CYP4A11: variants seen among roughly 807,000 people sequenced by gnomAD.
The protein encoded by CYP4A11 is cytochrome P450 family 4 subfamily A member 11, also known as cytochrome P450 4A11.
CYP4A11 carries 52 observed loss-of-function variants against 57.7 expected under a neutral mutation model. That is an observed-to-expected ratio of 0.90 (90% CI 0.72 to 1.14). The LOEUF is 1.14. Ranked by LOEUF, CYP4A11 falls within the 50% of genes most tolerant of loss-of-function variation. The pLI is 0.00. For synonymous variants in CYP4A11, 228 were observed against 247.1 expected (o/e 0.92, Z 0.72); for missense variants, 641 against 642.1 (o/e 1.00, Z 0.02).
chr1:46,938,586 T>G (rs1312123327), intron 1 of CYP4A11, among the ~76,000 whole-genome samples: 2 of 152,220 alleles, frequency 1.3e-5, no homozygotes, highest in African/African-American at 4.8e-5. Flanking sequence ...AAATATTTGT[T>G]AAGATAAAAT....
rs1274423665 is a variant in CYP4A11, at chr1:46,936,691, G to A, written c.483C>T (p.Leu161=). 5 of 1,612,350 alleles carry A rather than the reference G, an allele frequency of 3.1e-6. No homozygotes were observed. The highest frequency in any genetic ancestry group is 3.4e-6 in the Non-Finnish European group (4 of 1,179,222). ...HYDILKPYVG[L]MADSVRVMLD... is the part of the protein sequence containing the mutation. ...GCATCACTCGTACAGAGTCTGCCAT[G>A]AGCCCCACATAGGGCTTCAGGATGT... is the stretch of plus-strand genomic sequence containing the variant. The change falls in exon 4 of 12, where the codon CTC becomes CTT. Residue 161 remains leucine, a synonymous_variant. Transcript: ENST00000310638.
intron 4 of CYP4A11, among the ~76,000 whole-genome samples, chr1:46,936,282 G>T (rs759804297): frequency 6.6e-6 from 1 of 152,228 alleles, no homozygotes; most frequent in Non-Finnish European, 1.5e-5. Context: ...GCCTGGGTGG[G>T]TGACATCTTG....
chr1:46,940,483 G>T (rs538788858), intron 1 of CYP4A11, among the ~76,000 whole-genome samples: 3 of 152,124 alleles, frequency 2.0e-5, no homozygotes, highest in Non-Finnish European at 2.9e-5. Context: ...CATGCTCACC[G>T]CCAGGGAGCT....
At chr1:46,937,032 A>G (rs1570095779) in intron 3 of CYP4A11, among the ~76,000 whole-genome samples, 1 of 152,210 alleles carries the variant, frequency 6.6e-6, no homozygotes, top group Non-Finnish European at 1.5e-5. Context: ...GTGAGATAAA[A>G]GTTGAAAAGG....
At chr1:46,931,678 T>C (rs1323315918) in intron 11 of CYP4A11, 4 of 678,728 alleles carry the variant, frequency 5.9e-6, no homozygotes, top group African/African-American at 5.8e-5. Context: ...GACTTTCTCA[T>C]GCTGGGATAG....
intron 2 of CYP4A11, 143 bp from the exon 3 acceptor site, chr1:46,937,489 T>C (rs1279445067): frequency 4.7e-6 from 4 of 843,874 alleles, no homozygotes; most frequent in Non-Finnish European, 5.7e-6. Flanking sequence ...TCTATTTCTG[T>C]CCTGAAGGTC....
chr1:46,935,710 G>C, intron 4 of CYP4A11, 63 bp from the exon 5 acceptor site: 1 of 1,571,318 alleles, frequency 6.4e-7, no homozygotes, highest in Non-Finnish European at 8.6e-7. Flanking sequence ...ATAAGGCCTG[G>C]CTTTTTCATG....
chr1:46,936,814 TTTGTGTG>T, intron 3 of CYP4A11, 23 bp from the exon 4 acceptor site: 1 of 1,491,568 alleles, frequency 6.7e-7, no homozygotes, highest in Admixed American at 2.1e-5. Flanking sequence ...TGAATGTGTG[TTTGTGTG>T]TGTGTGTGTG....
chr1:46,939,377 T>TG (rs894527670), intron 1 of CYP4A11, among the ~76,000 whole-genome samples: 3 of 152,022 alleles, frequency 2.0e-5, no homozygotes, highest in Non-Finnish European at 4.4e-5. Context: ...TCAGTCTAGT[T>TG]GGGGGGTAAG....
intron 11 of CYP4A11, chr1:46,931,835 G>A: frequency 1.2e-6 from 1 of 849,846 alleles, no homozygotes; most frequent in South Asian, 5.4e-5. Context: ...GTTTTTGCCT[G>A]TGTGTATGTC....
At chr1:46,933,362 C>T (rs9333016) in intron 9 of CYP4A11, among the ~76,000 whole-genome samples, 14,252 of 152,238 alleles carry the variant, frequency 0.094, 768 homozygotes, top group East Asian at 0.19. Flanking sequence ...CATGAACTCA[C>T]TCAGTACAAC....
At chr1:46,935,305 C>T (rs1466397119) in intron 5 of CYP4A11, 151 bp from the exon 6 acceptor site, 1 of 1,167,102 alleles carries the variant, frequency 8.6e-7, no homozygotes, top group Non-Finnish European at 1.2e-6. Flanking sequence ...ATCCTTTGGC[C>T]TTTATCAGAT....
chr1:46,937,167 A>T, intron 3 of CYP4A11, 135 bp downstream of exon 3: 1 of 1,101,180 alleles, frequency 9.1e-7, no homozygotes, highest in Non-Finnish European at 1.3e-6. Context: ...GGGTCTTGTT[A>T]GAAGAAGGAA....
In CYP4A11 at chr1:46,934,232, C is replaced by G. The variant is rs780385066; in HGVS notation, c.1032G>C (p.Gln344His). Reference sequence around the variant, plus strand: ...TGTGGATCTCCTCCCGGCACCTCTCCTGATGCTTGGGGTGTGTGGCCAGAG... The same window carrying G: ...TGTGGATCTCCTCCCGGCACCTCTCGTGATGCTTGGGGTGTGTGGCCAGAG... ...LYALATHPKHQERCREEIHSL... is the reference protein window; with the variant it reads ...LYALATHPKHHERCREEIHSL... The change falls in exon 8 of 12, where the codon CAG becomes CAC. Residue 344 changes from glutamine to histidine, a missense_variant. By Grantham distance (24) the Gln-to-His change is conservative (BLOSUM62 0). Transcript: ENST00000310638. The G allele has an allele frequency of 3.7e-6, 6 of 1,613,692 alleles. No individual in the cohort carries two copies. In the South Asian group the frequency reaches 5.5e-5, roughly 15 times the overall value.
chr1:46,932,456 G>A (rs542268204), intron 11 of CYP4A11: 1 of 1,209,750 alleles, frequency 8.3e-7, no homozygotes, highest in African/African-American at 1.5e-5. Flanking sequence ...CTAATTTTGA[G>A]AATTCATATC....
At chr1:46,936,943 C>G (rs1431792403) in intron 3 of CYP4A11, 152 bp from the exon 4 acceptor site, 1 of 1,400,992 alleles carries the variant, frequency 7.1e-7, no homozygotes, top group Non-Finnish European at 9.3e-7. Flanking sequence ...ACGTCATGGG[C>G]AAATGCAGGA....
chr1:46,933,383 G>A (rs1409654662), intron 9 of CYP4A11, among the ~76,000 whole-genome samples: 1 of 152,216 alleles, frequency 6.6e-6, no homozygotes, highest in Non-Finnish European at 1.5e-5. Context: ...AACGCTCCAA[G>A]TAAGACATTC....
intron 6 of CYP4A11, 121 bp downstream of exon 6, chr1:46,934,879 C>G: frequency 1.3e-6 from 2 of 1,498,108 alleles, no homozygotes; most frequent in Non-Finnish European, 1.8e-6. Flanking sequence ...AAGGGAATTC[C>G]CCAGGCTGAG....
chr1:46,933,498 G>T (rs552609517), intron 9 of CYP4A11, among the ~76,000 whole-genome samples: 2 of 152,138 alleles, frequency 1.3e-5, no homozygotes, highest in Non-Finnish European at 2.9e-5. Flanking sequence ...CAGAACCCAG[G>T]GAGTTGCACC....
Sources: allele counts gnomAD v4.1 joint callset (sites outside exome capture counted in the v4.1 genomes callset), GRCh38; gene constraint gnomAD v4.1.1; transcripts MANE v1.5; gene names NCBI Gene and HGNC (gene_info 2026-07-23, HGNC 2026-07-21).